The following OR13A1 variants were observed in gnomAD, a reference collection of about 807,000 sequenced individuals.
The protein encoded by OR13A1 is olfactory receptor family 13 subfamily A member 1, also known as olfactory receptor 13A1.
Under a neutral mutation model 7.5 loss-of-function variants are expected in OR13A1, and 10 were observed. The observed-to-expected ratio is 1.34, with a 90% confidence interval of 0.83 to 2.27. The LOEUF (loss-of-function observed/expected upper bound fraction) is 2.27, where lower values mean the gene tolerates loss of function less well. Among genes scored for constraint, OR13A1 ranks in the 30% most tolerant of loss-of-function variants. OR13A1 has a pLI of 0.00. For missense variants in OR13A1, 509 were observed against 419.1 expected (o/e 1.21, Z -1.87); for synonymous variants, 238 against 177.9 (o/e 1.34, Z -2.69).
chr10:45,303,548 GC>G lies in OR13A1; in HGVS notation c.874del (p.Ala292LeufsTer8). On this transcript the variant is annotated frameshift_variant, in exon 4 of 4. Coordinates refer to ENST00000553795, the MANE Select transcript of OR13A1 (RefSeq NM_001004297.3). LOFTEE classifies it low-confidence loss of function (END_TRUNC). ...ACTCAGCACAGTGTACAGCAGGCCA[GC>G]CAACTTGCTCTTCCCTGCGCTGTAG... is the stretch of plus-strand genomic sequence containing the variant. ...SGYSAGKSKL[A>X]GLLYTVLSPT... 1 of 1,614,110 alleles carries G rather than the reference GC, an allele frequency of 6.2e-7. No homozygotes were observed. Among genetic ancestry groups the G allele is most frequent in the Non-Finnish European group, 8.5e-7 (1 of 1,180,042 alleles).
At chr10:45,308,786 G>C (rs1191668007) in intron 1 of OR13A1, 1 of 152,308 alleles carries the variant, frequency 6.6e-6, no homozygotes, top group East Asian at 1.9e-4. Flanking sequence ...AAGCACAACT[G>C]AGGGTAGAAA....
intron 1 of OR13A1, among the ~76,000 whole-genome samples, chr10:45,314,558 A>G (rs1037394532): frequency 3.3e-5 from 5 of 152,064 alleles, no homozygotes; most frequent in Non-Finnish European, 5.9e-5. Flanking sequence ...GAAAATCCTA[A>G]AGATTAGATT....
chr10:45,310,754 A>G (rs1032691827), intron 1 of OR13A1, among the ~76,000 whole-genome samples: 2 of 152,224 alleles, frequency 1.3e-5, no homozygotes, highest in African/African-American at 4.8e-5. Flanking sequence ...TCGAGGAAGA[A>G]AAAAAGGATG....
At chr10:45,307,201 C>T (rs971437521) in intron 3 of OR13A1, among the ~76,000 whole-genome samples, 1 of 152,190 alleles carries the variant, frequency 6.6e-6, no homozygotes, top group Non-Finnish European at 1.5e-5. Context: ...CATCACTGAA[C>T]ACCTACCAAG....
intron 1 of OR13A1, among the ~76,000 whole-genome samples, chr10:45,312,666 G>T (rs540704781): frequency 1.3e-5 from 2 of 152,102 alleles, no homozygotes; most frequent in South Asian, 4.1e-4. Flanking sequence ...AATCTTGAAA[G>T]CAGCAAAAGA....
At chr10:45,309,884 A>G (rs1838408216) in intron 1 of OR13A1, among the ~76,000 whole-genome samples, 1 of 152,228 alleles carries the variant, frequency 6.6e-6, no homozygotes, top group Non-Finnish European at 1.5e-5. Flanking sequence ...AAATAGCTGC[A>G]GAAACTTGTA....
At chr10:45,312,459 G>GA (rs1176560928) in intron 1 of OR13A1, among the ~76,000 whole-genome samples, 1 of 150,984 alleles carries the variant, frequency 6.6e-6, no homozygotes, top group Non-Finnish European at 1.5e-5. Context: ...AGTACTGAAA[G>GA]AAAAAAACTG....
rs750844253 is a variant in OR13A1 at position 45,304,352 on chromosome 10, T to A, written c.71A>T (p.Gln24Leu). 1 of 1,613,990 alleles carries A rather than the reference T, an allele frequency of 6.2e-7. No individual in the cohort carries two copies. Among genetic ancestry groups the A allele is most frequent in the Admixed American group, 1.7e-5 (1 of 60,002 alleles). ...CAGGATGAACTCGGTTACCAACGTCTGGTTACTCATCATCCTTGGGCTGGG... is the reference window on the plus strand; with the variant it reads ...CAGGATGAACTCGGTTACCAACGTCAGGTTACTCATCATCCTTGGGCTGGG... ...TRPSPRMMSN[Q>L]TLVTEFILQG... is the part of the protein sequence containing the mutation. The change falls in exon 4 of 4, where the codon CAG becomes CTG. Residue 24 changes from glutamine (Q) to leucine (L), a missense_variant. By Grantham distance (113) the Gln-to-Leu change is moderately radical. Coordinates refer to ENST00000553795, the MANE Select transcript of OR13A1 (RefSeq NM_001004297.3).
Position 45,303,997 on chromosome 10 carries a change from T to C in OR13A1, c.426A>G (p.Ala142=). 1 of 1,612,386 alleles carries C rather than the reference T, an allele frequency of 6.2e-7. No homozygotes were observed. Among genetic ancestry groups the C allele is most frequent in the Non-Finnish European group, 8.5e-7 (1 of 1,178,950 alleles). ...TGTAATGCAGCGGGTGGCAGATGGCTGCGTACCGGTCATAGGCCATGACCG... is the reference window on the plus strand; with the variant it reads ...TGTAATGCAGCGGGTGGCAGATGGCCGCGTACCGGTCATAGGCCATGACCG... The part of the protein sequence containing the change: ...LLTVMAYDRY[A]AICHPLHYSS... The change falls in exon 4 of 4, where the codon GCA becomes GCG. Residue 142 remains alanine (A), a synonymous_variant. Transcript: ENST00000553795.
rs1838239868 is a variant in OR13A1 at position 45,303,072 on chromosome 10, AG to A, written c.*363del. 1 of 180,226 alleles carries A rather than the reference AG, an allele frequency of 5.5e-6. No individual in the cohort carries two copies. The highest frequency in any genetic ancestry group is 2.4e-5 in the African/African-American group (1 of 42,276). 11.2% of individuals were successfully genotyped at this position (180,226 alleles called of 1,614,324 possible). A position where few individuals can be genotyped will look rare whatever the true frequency, so the allele number is the denominator to read the frequency against. ...TTTTAGACCCACACAGCTGAATTCTAGGTGTGATTTTAGAATTTACACCCTG... is the reference window on the plus strand; with the variant it reads ...TTTTAGACCCACACAGCTGAATTCTAGTGTGATTTTAGAATTTACACCCTG... On this transcript the variant is annotated 3_prime_UTR_variant, in exon 4 of 4. Transcript: ENST00000553795.
Position 45,302,915 on chromosome 10 carries a change from G to C in OR13A1, c.*521C>G, listed in dbSNP as rs1838236293. On this transcript the variant is annotated 3_prime_UTR_variant, in exon 4 of 4. Transcript: ENST00000553795. ...AAATCAAACTATTTTTGAAGTCCAA[G>C]TGGCTCCAGAGGAAACAGTTGAGGT... The C allele has an allele frequency of 1.3e-5, 2 of 152,930 alleles. No homozygotes were observed. The highest frequency in any genetic ancestry group is 6.5e-5 in the Admixed American group (1 of 15,296). 9.5% of individuals were successfully genotyped at this position (152,930 alleles called of 1,614,324 possible). A position where few individuals can be genotyped will look rare whatever the true frequency, so the allele number is the denominator to read the frequency against.
chr10:45,302,545 C>T (rs1487590363), downstream of OR13A1: 2 of 152,178 alleles, frequency 1.3e-5, no homozygotes, highest in East Asian at 3.8e-4. Flanking sequence ...ACACACATAT[C>T]GAATGATATG....
Position 45,304,396 on chromosome 10 carries a change from C to A in OR13A1, c.27G>T (p.Leu9=). The A allele has an allele frequency of 1.2e-6, 2 of 1,613,456 alleles. No individual in the cohort carries two copies. Among genetic ancestry groups the A allele is most frequent in the Non-Finnish European group, 1.7e-6 (2 of 1,179,824 alleles). MKLWMESH[L]IVPETRPSPR... is the part of the protein sequence containing the mutation. Reference sequence around the variant, plus strand: ...GGCTGGGACGGGTTTCTGGGACTATCAGGTGACTCTCCATCCACAGCTTCA... The same window carrying A: ...GGCTGGGACGGGTTTCTGGGACTATAAGGTGACTCTCCATCCACAGCTTCA... Residue 9 remains leucine (L), a synonymous_variant, in exon 4 of 4, where the codon CTG becomes CTT. Transcript: ENST00000553795.
At chr10:45,309,609 A>G (rs1043392882) in intron 1 of OR13A1, among the ~76,000 whole-genome samples, 1 of 152,126 alleles carries the variant, frequency 6.6e-6, no homozygotes, top group African/African-American at 2.4e-5. Context: ...TAACCTCTCC[A>G]GGACTCATTT....
chr10:45,304,971 A>C (rs1313752357), intron 3 of OR13A1, among the ~76,000 whole-genome samples: 2 of 152,306 alleles, frequency 1.3e-5, no homozygotes, highest in African/African-American at 4.8e-5. Context: ...GATGCTTTTA[A>C]AAGGAGAATG....
Position 45,304,175 on chromosome 10 carries a change from T to C in OR13A1, c.248A>G (p.Asn83Ser), listed in dbSNP as rs575091131. Residue 83 changes from asparagine (N) to serine (S), a missense_variant, in exon 4 of 4, where the codon AAC becomes AGC. Coordinates refer to ENST00000553795, the MANE Select transcript of OR13A1 (RefSeq NM_001004297.3). Reference protein sequence around the residue: ...LHAPMYFFLLNLATMDIICTS... With the variant: ...LHAPMYFFLLSLATMDIICTS... ...GCAGATAATGTCCATAGTAGCCAAG[T>C]TGAGTAAGAAAAAGTACATAGGAGC... 1.9e-6 allele frequency: 3 copies of C among 1,614,040 alleles called. No homozygotes were observed. Among genetic ancestry groups the C allele is most frequent in the East Asian group, 4.5e-5 (2 of 44,878 alleles).
At chr10:45,308,686 C>G (rs1322356593) in intron 1 of OR13A1, 1 of 152,114 alleles carries the variant, frequency 6.6e-6, no homozygotes, top group African/African-American at 2.4e-5. Flanking sequence ...ACTCAATCAC[C>G]ATCCTCAGAA....
chr10:45,311,011 G>T (rs529628349), intron 1 of OR13A1, among the ~76,000 whole-genome samples: 2 of 152,320 alleles, frequency 1.3e-5, no homozygotes, highest in South Asian at 4.1e-4. Context: ...CTGACTGAAA[G>T]AGAGTAGGAT....
chr10:45,304,951 G>A (rs1838296298), intron 3 of OR13A1, among the ~76,000 whole-genome samples: 1 of 152,178 alleles, frequency 6.6e-6, no homozygotes, highest in Non-Finnish European at 1.5e-5. Context: ...TGCTTTGGAA[G>A]TGTTTTACTG....
Sources: gnomAD v4.1 joint callset for allele counts (sites outside exome capture counted in the v4.1 genomes callset) on GRCh38, gnomAD v4.1.1 for gene constraint, MANE v1.5 for transcripts, NCBI Gene and HGNC (gene_info 2026-07-23, HGNC 2026-07-21) for gene names.